Variants in SNRNP48 observed in about 807,000 individuals in gnomAD.
SNRNP48 encodes the protein U11/U12 small nuclear ribonucleoprotein 48 kDa protein.
Under a neutral mutation model 47.0 loss-of-function variants are expected in SNRNP48, and 43 were observed. The ratio of observed to expected loss-of-function variants is 0.92; its 90% confidence interval spans 0.72 to 1.18. SNRNP48 has a LOEUF of 1.18. SNRNP48 is among the 50% of genes most tolerant of loss of function. The pLI, the probability that SNRNP48 is intolerant of heterozygous loss-of-function variation, is 0.00. For missense variants in SNRNP48, 396 were observed against 422.2 expected (o/e 0.94, Z 0.54); for synonymous variants, 138 against 144.0 (o/e 0.96, Z 0.30).
intron 8 of SNRNP48, among the ~76,000 whole-genome samples, chr6:7,606,754 A>G (rs566310460): frequency 6.6e-6 from 1 of 152,306 alleles, no homozygotes; most frequent in South Asian, 2.1e-4. Flanking sequence ...CCTGGATCTC[A>G]AGTTCATCAG....
At chr6:7,590,480 G>T in intron 1 of SNRNP48, 67 bp downstream of exon 1, 1 of 1,248,232 alleles carries the variant, frequency 8.0e-7, no homozygotes, top group East Asian at 3.2e-5. Flanking sequence ...GAAGAAGGGA[G>T]ATCCGCACTG....
rs1421147105 is a variant in SNRNP48 at position 7,606,113 on chromosome 6, A to G, written c.889A>G (p.Arg297Gly). 3 of 1,613,890 alleles carry G rather than the reference A, an allele frequency of 1.9e-6. No homozygotes were observed. The highest frequency in any genetic ancestry group is 3.3e-5 in the Admixed American group (2 of 59,968). Residue 297 changes from arginine (R) to glycine (G), a missense_variant, in exon 8 of 9, where the codon AGG becomes GGG. Transcript: ENST00000342415. ...GGATGCTGAGTGTTCACGACATAGA[A>G]GGGATAGGAGTAGAAGCCCACATAA... ...YLDAECSRHR[R>G]DRSRSPHKRK...
intron 5 of SNRNP48, among the ~76,000 whole-genome samples, 182 bp from the exon 6 acceptor site, chr6:7,602,441 G>A (rs1201843932): frequency 2.0e-5 from 3 of 152,058 alleles, no homozygotes; most frequent in Non-Finnish European, 4.4e-5. Context: ...TCAACTAATG[G>A]CTGGAGAGAA....
chr6:7,596,498 T>C (rs1000454458), intron 4 of SNRNP48, among the ~76,000 whole-genome samples: 6 of 152,340 alleles, frequency 3.9e-5, no homozygotes, highest in South Asian at 2.1e-4. Context: ...TTCTCCCTCA[T>C]TGAAATTGAG....
At chr6:7,600,149 A>C (rs1759984953) in intron 4 of SNRNP48, 6 of 994,120 alleles carry the variant, frequency 6.0e-6, no homozygotes, top group Non-Finnish European at 7.2e-6. Flanking sequence ...ATTAATTCAA[A>C]ACCCTTTGAC....
At position 7,601,517 on chromosome 6, in the gene SNRNP48, C is replaced by G. The variant is rs1396129987; in HGVS notation, c.588C>G (p.Ile196Met). 1 of 1,575,128 alleles carries G rather than the reference C, an allele frequency of 6.3e-7. No homozygotes were observed. The highest frequency in any genetic ancestry group is 2.3e-5 in the East Asian group (1 of 43,812). Residue 196 changes from isoleucine (I) to methionine (M), a missense_variant, in exon 5 of 9, where the codon ATC becomes ATG. Coordinates refer to ENST00000342415, the MANE Select transcript of SNRNP48 (RefSeq NM_152551.4). ...SDLFVDLAAK[I>M]NQDNSRKSPK... ...TCTTTGTAGACTTGGCTGCCAAAAT[C>G]AATCAAGGTTTGAGATGCACATCAT... is the stretch of plus-strand genomic sequence containing the variant.
Position 7,590,332 on chromosome 6 carries a change from C to T in SNRNP48, c.75C>T (p.Gly25=). ...AGCTGAACGAGTTCGTGGAGAGCGG[C>T]TGCCGGACGTTGGAGGAGGTGACCG... ...QEELNEFVES[G]CRTLEEVTAS... The change falls in exon 1 of 9, where the codon GGC becomes GGT. Residue 25 remains glycine (G), a synonymous_variant. Coordinates refer to ENST00000342415, the MANE Select transcript of SNRNP48 (RefSeq NM_152551.4). The T allele has an allele frequency of 7.1e-7, 1 of 1,408,332 alleles. No individual in the cohort carries two copies. The highest frequency in any genetic ancestry group is 9.4e-7 in the Non-Finnish European group (1 of 1,067,278). The allele number at this position is 1,408,332 out of a possible 1,614,324, so 87.2% of individuals were successfully genotyped here. A position where few individuals can be genotyped will look rare whatever the true frequency, so the allele number is the denominator to read the frequency against.
intron 7 of SNRNP48, 28 bp from the exon 8 acceptor site, chr6:7,606,003 C>A: frequency 6.3e-7 from 1 of 1,577,402 alleles, no homozygotes. Context: ...GTAACACAAA[C>A]TGATTAACAT....
intron 4 of SNRNP48, among the ~76,000 whole-genome samples, 184 bp downstream of exon 4, chr6:7,595,285 A>G (rs762421327): frequency 6.6e-6 from 1 of 152,160 alleles, no homozygotes; most frequent in African/African-American, 2.4e-5. Context: ...TCCTGTTGAG[A>G]TACACCAGAG....
rs1759879851 is a variant in SNRNP48 at position 7,595,056 on chromosome 6, C to T, written c.361C>T (p.Gln121Ter). ...GGACTCACAATTCCAGATAATTAAA[C>T]AAGCTAGAACTGCAGTTGGGAAAGA... ...NKDSQFQIIK[Q>*]ARTAVGKDSD... The change falls in exon 4 of 9, where the codon CAA becomes TAA. Residue 121 changes from glutamine to a stop codon, truncating the protein, a stop_gained. Coordinates refer to ENST00000342415, the MANE Select transcript of SNRNP48 (RefSeq NM_152551.4). LOFTEE classifies it high-confidence loss of function. 6.3e-7 allele frequency: 1 copy of T among 1,594,096 alleles called. No individual in the cohort carries two copies.
intron 4 of SNRNP48, among the ~76,000 whole-genome samples, chr6:7,596,392 C>G (rs187497246): frequency 6.6e-6 from 1 of 152,292 alleles, no homozygotes; most frequent in Admixed American, 6.5e-5. Context: ...CTTCTTTGAA[C>G]CTTCTGTAGG....
chr6:7,599,701 G>A (rs758271755), intron 4 of SNRNP48: 32 of 1,284,262 alleles, frequency 2.5e-5, no homozygotes, highest in Non-Finnish European at 3.0e-5. Context: ...AGAGGAATTA[G>A]GAACCTGAAT....
At chr6:7,607,937 T>A (rs1760162499) in intron 8 of SNRNP48, among the ~76,000 whole-genome samples, 1 of 152,262 alleles carries the variant, frequency 6.6e-6, no homozygotes, top group Non-Finnish European at 1.5e-5. Context: ...ATTTGCTTAG[T>A]AATCCTTTTT....
rs552239168 is a variant in SNRNP48 at position 7,602,326 on chromosome 6, G to C, written c.596-297G>C. 1.7e-4 allele frequency among the ~76,000 whole-genome samples: 26 copies of C among 152,246 alleles called. 2 individuals carry two copies. Among genetic ancestry groups the C allele is most frequent in the African/African-American group, 6.0e-4 (25 of 41,540 alleles). Reference sequence around the variant, plus strand: ...ATGGATACTGAGGGATATTTACTCAGTACCTGAGGTTTTACTCTGACTTTT... The same window carrying C: ...ATGGATACTGAGGGATATTTACTCACTACCTGAGGTTTTACTCTGACTTTT... On this transcript the variant is annotated intron_variant, in intron 5 of 8. Transcript: ENST00000342415.
In SNRNP48 at chr6:7,590,289, G is replaced by C. The variant is rs1759790651; in HGVS notation, c.32G>C (p.Arg11Pro). 10 of 1,368,602 alleles carry C rather than the reference G, an allele frequency of 7.3e-6. No individual in the cohort carries two copies. In the East Asian group the frequency reaches 2.8e-4, roughly 38 times the overall value. 84.8% of individuals were successfully genotyped at this position (1,368,602 alleles called of 1,614,324 possible). A position where few individuals can be genotyped will look rare whatever the true frequency, so the allele number is the denominator to read the frequency against. ...GGCGAGCCTCCACCTGTGGAGGAGC[G>C]GCGGCGGCTGCAGGAGGAGCTGAAC... MEGEPPPVEE[R>P]RRLQEELNEF... is the part of the protein sequence containing the mutation. The change falls in exon 1 of 9, where the codon CGG becomes CCG. Residue 11 changes from arginine (R) to proline (P), a missense_variant. Transcript: ENST00000342415.
intron 3 of SNRNP48, among the ~76,000 whole-genome samples, chr6:7,594,626 G>A (rs891866098): frequency 1.3e-5 from 2 of 152,110 alleles, no homozygotes; most frequent in African/African-American, 4.8e-5. Flanking sequence ...AATGGAGATG[G>A]TTATAATAGC....
chr6:7,601,146 T>G, intron 4 of SNRNP48, 190 bp from the exon 5 acceptor site: 1 of 429,884 alleles, frequency 2.3e-6, no homozygotes. Flanking sequence ...TTTTTTTTTG[T>G]GGATATAACA....
rs376894567 is a variant in SNRNP48, at chr6:7,593,063, T to C, written c.157-671T>C. On this transcript the variant is annotated intron_variant, in intron 1 of 8. Coordinates refer to ENST00000342415, the MANE Select transcript of SNRNP48 (RefSeq NM_152551.4). ...AACTTTTAGTGTCTTTAATATACGGTACTGGAGAGAAACAAGGTTTAAAGA... is the reference window on the plus strand; with the variant it reads ...AACTTTTAGTGTCTTTAATATACGGCACTGGAGAGAAACAAGGTTTAAAGA... Among the ~76,000 whole-genome samples, 365 of 152,242 alleles carry C rather than the reference T, an allele frequency of 2.4e-3. 1 individual carries two copies. The highest frequency in any genetic ancestry group is 8.5e-3 in the African/African-American group (354 of 41,536).
Position 7,595,012 on chromosome 6 carries a change from T to A in SNRNP48, c.332-15T>A. On this transcript the variant is annotated splice_polypyrimidine_tract_variant and intron_variant, in intron 3 of 8. Transcript: ENST00000342415. ...TGATTCATATTGTATTTATGGATTT[T>A]TTTTTTTTTGACAGATAAGGACTCA... The A allele has an allele frequency of 6.3e-7, 1 of 1,579,414 alleles. No individual in the cohort carries two copies. The highest frequency in any genetic ancestry group is 8.6e-7 in the Non-Finnish European group (1 of 1,167,256).
Sources: allele counts gnomAD v4.1 joint callset (sites outside exome capture counted in the v4.1 genomes callset), GRCh38; gene constraint gnomAD v4.1.1; transcripts MANE v1.5; gene names NCBI Gene and HGNC (gene_info 2026-07-23, HGNC 2026-07-21).